ATXN10: variants seen among roughly 807,000 people sequenced by gnomAD.
The protein encoded by ATXN10 is ataxin 10.
ATXN10 carries 28 observed loss-of-function variants against 52.9 expected under a neutral mutation model. The observed-to-expected ratio is 0.53, with a 90% CI of 0.39 to 0.73. The LOEUF is 0.73. ATXN10 is among the 30% of genes least tolerant of loss of function. The probability of loss-of-function intolerance (pLI) is 0.00; values close to 1 mark genes in which losing one functional copy is unlikely to be tolerated. For missense variants in ATXN10, 565 were observed against 577.0 expected, an observed-to-expected ratio of 0.98 and a Z score of 0.21; for synonymous variants, 226 against 221.5, an observed-to-expected ratio of 1.02 and a Z score of -0.18.
At position 45,783,447 on chromosome 22, in the gene ATXN10, CTG is replaced by C. The variant is rs903568252; in HGVS notation, c.1174-23510_1174-23509del. On this transcript the variant is annotated intron_variant, in intron 9 of 11. Transcript: ENST00000252934. The surrounding 1 kb of genome is among the most constrained non-coding windows in gnomAD (Gnocchi z 5.0). ...CTGTTCTTTTCTGAAGCACCAGTCT[CTG>C]TAAATTCTTTCTGTTGCTTTCAGGA... Among the ~76,000 whole-genome samples the C allele has an allele frequency of 1.3e-5, 2 of 152,232 alleles. No individual in the cohort carries two copies. Among genetic ancestry groups the C allele is most frequent in the African/African-American group, 4.8e-5 (2 of 41,458 alleles).
chr22:45,758,292 C>G (rs1211116091), intron 9 of ATXN10, among the ~76,000 whole-genome samples: 2 of 152,230 alleles, frequency 1.3e-5, no homozygotes, highest in Admixed American at 1.3e-4. Context: ...GACAGACCAC[C>G]AGTGCCTCCA....
intron 5 of ATXN10, among the ~76,000 whole-genome samples, chr22:45,714,661 T>G (rs977512952): frequency 9.2e-5 from 14 of 152,162 alleles, no homozygotes; most frequent in Non-Finnish European, 1.9e-4. Flanking sequence ...GGAATACAGG[T>G]GTGAGCCACT....
intron 1 of ATXN10, 95 bp from the exon 2 acceptor site, chr22:45,689,617 T>G (rs1032515998): frequency 2.9e-5 from 31 of 1,071,446 alleles, no homozygotes; most frequent in Non-Finnish European, 4.1e-5. Context: ...GTAGCGTACC[T>G]CCCCACAATA....
rs1569054819 is a variant in ATXN10, at chr22:45,762,815, G to C, written c.1173+22277G>C. 6.6e-6 allele frequency among the ~76,000 whole-genome samples: 1 copy of C among 152,136 alleles called. No individual in the cohort carries two copies. The highest frequency in any genetic ancestry group is 1.5e-5 in the Non-Finnish European group (1 of 68,028). On this transcript the variant is annotated intron_variant, in intron 9 of 11. Transcript: ENST00000252934. The surrounding 1 kb of genome is among the most constrained non-coding windows in gnomAD (Gnocchi z 4.3). The stretch of plus-strand genomic sequence containing the variant: ...GACAGATGCCTTCCCCCTGTGTTTT[G>C]GCTCCAAATTCCAAGTGAGAGTAAT...
rs1413390448 is a variant in ATXN10 at position 45,762,579 on chromosome 22, G to A, written c.1173+22041G>A. Reference sequence around the variant, plus strand: ...GTGCTTCCTCCTCGCTCTCCAGCTGGCTGAAGGGAAGCTGGGCAAGAGTGT... The same window carrying A: ...GTGCTTCCTCCTCGCTCTCCAGCTGACTGAAGGGAAGCTGGGCAAGAGTGT... On this transcript the variant is annotated intron_variant, in intron 9 of 11. Coordinates refer to ENST00000252934, the MANE Select transcript of ATXN10 (RefSeq NM_013236.4). This position sits in a 1 kb window ranked among gnomAD's most constrained non-coding sequence, Gnocchi z 4.3. Among the ~76,000 whole-genome samples the A allele has an allele frequency of 6.6e-6, 1 of 152,124 alleles. No individual in the cohort carries two copies. The highest frequency in any genetic ancestry group is 6.5e-5 in the Admixed American group (1 of 15,284).
chr22:45,827,878 CAAATT>C (rs1204556722), intron 10 of ATXN10, among the ~76,000 whole-genome samples: 2 of 152,160 alleles, frequency 1.3e-5, no homozygotes, highest in African/African-American at 4.8e-5. Context: ...TATTAGGTAA[CAAATT>C]AAGTTTCCAT....
Position 45,671,945 on chromosome 22 carries a change from T to G in ATXN10, c.-119T>G, listed in dbSNP as rs979469356. 2 of 1,173,008 alleles carry G rather than the reference T, an allele frequency of 1.7e-6. No homozygotes were observed. The highest frequency in any genetic ancestry group is 3.1e-5 in the African/African-American group (2 of 64,434). The allele number at this position is 1,173,008 out of a possible 1,614,324, so 72.7% of individuals were successfully genotyped here. On this transcript the variant is annotated 5_prime_UTR_variant, in exon 1 of 12. Transcript: ENST00000252934. ...AGCGGCGGCGGCGGTTAGGGCTGTG[T>G]AGGGCGAGGCCTCCCCCTTCCTCCT...
chr22:45,831,518 TTCTG>T (rs1188596469), intron 10 of ATXN10, among the ~76,000 whole-genome samples: 2 of 152,228 alleles, frequency 1.3e-5, no homozygotes, highest in African/African-American at 4.8e-5. Context: ...AAGCAAACAG[TTCTG>T]TCTGTTTAAC....
rs867870520 is a variant in ATXN10 at position 45,796,093 on chromosome 22, C to A, written c.1174-10866C>A. 5.9e-5 allele frequency among the ~76,000 whole-genome samples: 9 copies of A among 152,302 alleles called. No homozygotes were observed. The South Asian group carries it at 8.3e-4, about 14-fold the overall frequency. On this transcript the variant is annotated intron_variant, in intron 9 of 11. Coordinates refer to ENST00000252934, the MANE Select transcript of ATXN10 (RefSeq NM_013236.4). ...TGACTAGGAGAAATATCGCTGAATT[C>A]TTTTCTCAGCAAGGAATAACCCTGG...
intron 10 of ATXN10, among the ~76,000 whole-genome samples, chr22:45,817,793 G>T (rs373944889): frequency 6.6e-6 from 1 of 152,120 alleles, no homozygotes; most frequent in Non-Finnish European, 1.5e-5. Flanking sequence ...GCTGATTGCC[G>T]GGTGCAGGAC....
chr22:45,820,908 C>T lies in ATXN10; in HGVS notation c.1237+13886C>T, dbSNP rs1457510339. The stretch of plus-strand genomic sequence containing the variant: ...GGTGGACAGAAGCCAGGGAAAAGCA[C>T]GAATAGAAATGGTTCGAGTTTCTAT... On this transcript the variant is annotated intron_variant, in intron 10 of 11. Coordinates refer to ENST00000252934, the MANE Select transcript of ATXN10 (RefSeq NM_013236.4). This position sits in a 1 kb window ranked among gnomAD's most constrained non-coding sequence, Gnocchi z 4.9. 1.3e-5 allele frequency among the ~76,000 whole-genome samples: 2 copies of T among 152,140 alleles called. No homozygotes were observed. Among genetic ancestry groups the T allele is most frequent in the Non-Finnish European group, 2.9e-5 (2 of 68,026 alleles).
intron 9 of ATXN10, among the ~76,000 whole-genome samples, chr22:45,773,086 CAT>C (rs1029415603): frequency 9.8e-5 from 15 of 152,296 alleles, no homozygotes; most frequent in African/African-American, 2.9e-4. Flanking sequence ...CTGTGTATAA[CAT>C]GTGGTGGGGG....
chr22:45,809,647 C>T (rs935018573), intron 10 of ATXN10, among the ~76,000 whole-genome samples: 3 of 152,230 alleles, frequency 2.0e-5, no homozygotes, highest in Middle Eastern at 3.4e-3. Context: ...CTGTTGCCCA[C>T]GCTGTAAATG....
intron 5 of ATXN10, among the ~76,000 whole-genome samples, chr22:45,707,358 G>C (rs895510795): frequency 2.0e-5 from 3 of 151,856 alleles, no homozygotes; most frequent in African/African-American, 7.3e-5. Flanking sequence ...TTCTTTTTCT[G>C]AATATTCATT....
intron 5 of ATXN10, among the ~76,000 whole-genome samples, chr22:45,710,278 C>T (rs1179428962): frequency 6.6e-6 from 1 of 152,184 alleles, no homozygotes; most frequent in African/African-American, 2.4e-5. Flanking sequence ...TCTTTGAATA[C>T]TCCAAGTTTG....
intron 10 of ATXN10, among the ~76,000 whole-genome samples, chr22:45,834,867 A>G (rs1409930206): frequency 6.6e-6 from 1 of 152,152 alleles, no homozygotes; most frequent in Admixed American, 6.5e-5. Context: ...CGAGTCTCAG[A>G]TGTGACATTG....
chr22:45,803,605 A>G (rs1158407667), intron 9 of ATXN10, among the ~76,000 whole-genome samples: 1 of 152,086 alleles, frequency 6.6e-6, no homozygotes, highest in Non-Finnish European at 1.5e-5. Flanking sequence ...TCTCAGTGAC[A>G]CTTATAGGGC....
At chr22:45,796,752 G>A (rs980787264) in intron 9 of ATXN10, among the ~76,000 whole-genome samples, 3 of 152,196 alleles carry the variant, frequency 2.0e-5, no homozygotes, top group East Asian at 3.9e-4. Context: ...CCCACCTTCC[G>A]CCTCCCAAAG....
In ATXN10 at chr22:45,783,415, C is replaced by G. The variant is rs1161764844; in HGVS notation, c.1174-23544C>G. Among the ~76,000 whole-genome samples, 1 of 152,194 alleles carries G rather than the reference C, an allele frequency of 6.6e-6. No homozygotes were observed. Among genetic ancestry groups the G allele is most frequent in the Admixed American group, 6.5e-5 (1 of 15,286 alleles). On this transcript the variant is annotated intron_variant, in intron 9 of 11. Coordinates refer to ENST00000252934, the MANE Select transcript of ATXN10 (RefSeq NM_013236.4). The surrounding 1 kb of genome is among the most constrained non-coding windows in gnomAD (Gnocchi z 5.0). ...AAACGTGAATCCTTGAATGAGGGTA[C>G]AACTCTCTGTTCTTTTCTGAAGCAC...
Sources: gnomAD v4.1 joint callset for allele counts (sites outside exome capture counted in the v4.1 genomes callset) on GRCh38, gnomAD v4.1.1 for gene constraint, Gnocchi (gnomAD v3.1) non-coding constraint, MANE v1.5 for transcripts, NCBI Gene and HGNC (gene_info 2026-07-23, HGNC 2026-07-21) for gene names.